CCDC148: variants seen among roughly 807,000 people sequenced by gnomAD.
CCDC148 encodes the protein coiled-coil domain containing 148.
A neutral mutation model predicts 85.7 loss-of-function variants in CCDC148; 89 were observed. That is an observed-to-expected ratio of 1.04 (90% CI 0.87 to 1.24). CCDC148 has a LOEUF of 1.24. Ranked by LOEUF, CCDC148 falls within the 50% of genes most tolerant of loss-of-function variation. The pLI is 0.00. For synonymous variants in CCDC148, 230 were observed against 213.9 expected, an observed-to-expected ratio of 1.08 and a Z score of -0.66; for missense variants, 692 against 671.7, an observed-to-expected ratio of 1.03 and a Z score of -0.33.
chr2:158,422,945 C>T (rs1237812506), intron 1 of CCDC148, among the ~76,000 whole-genome samples: 2 of 152,070 alleles, frequency 1.3e-5, no homozygotes, highest in Admixed American at 1.3e-4. Flanking sequence ...CAATAACAAA[C>T]AGAGAGCCAA....
At chr2:158,455,864 G>T (rs944025065) in intron 1 of CCDC148, among the ~76,000 whole-genome samples, 14 of 152,138 alleles carry the variant, frequency 9.2e-5, no homozygotes, top group African/African-American at 3.4e-4. Context: ...CATTATTAAA[G>T]CTCAAGATTT....
At chr2:158,275,061 A>G (rs1278730444) in intron 9 of CCDC148, among the ~76,000 whole-genome samples, 1 of 152,218 alleles carries the variant, frequency 6.6e-6, no homozygotes, top group East Asian at 1.9e-4. Context: ...GGAACAAGGA[A>G]AAGGAGGAGG....
intron 9 of CCDC148, among the ~76,000 whole-genome samples, chr2:158,306,182 T>C (rs1244828674): frequency 6.6e-6 from 1 of 152,116 alleles, no homozygotes; most frequent in Non-Finnish European, 1.5e-5. Flanking sequence ...ATTATAGTGG[T>C]AGTTATACAC....
chr2:158,406,628 T>TCTTTTTTC (rs1559124648), intron 1 of CCDC148, among the ~76,000 whole-genome samples: 4 of 119,058 alleles, frequency 3.4e-5, no homozygotes, highest in South Asian at 2.7e-4. Flanking sequence ...TTTTTTTTTT[T>TCTTTTTTC]TTTTTTTTTT....
Position 158,313,825 on chromosome 2 carries a change from G to C in CCDC148, c.834C>G (p.Leu278=). The C allele has an allele frequency of 1.2e-6, 2 of 1,613,962 alleles. No individual in the cohort carries two copies. The highest frequency in any genetic ancestry group is 2.2e-5 in the South Asian group (2 of 91,078). ...CCAGATACAGAGTCCTTCTTCCAAAGAGATCTCCAGGGTACTGATCCAAAA... is the reference window on the plus strand; with the variant it reads ...CCAGATACAGAGTCCTTCTTCCAAACAGATCTCCAGGGTACTGATCCAAAA... ...QAILDQYPGD[L]FGRRTLYLDM... is the part of the protein sequence containing the mutation. The change falls in exon 8 of 14, where the codon CTC becomes CTG. Residue 278 remains leucine (L), a synonymous_variant. Coordinates refer to ENST00000283233, the MANE Select transcript of CCDC148 (RefSeq NM_138803.4).
intron 2 of CCDC148, among the ~76,000 whole-genome samples, chr2:158,355,952 C>T (rs1457724915): frequency 1.5e-5 from 2 of 134,612 alleles, no homozygotes; most frequent in East Asian, 2.3e-4. Flanking sequence ...TGATCTTTGA[C>T]AAGCCTGAGA....
intron 1 of CCDC148, among the ~76,000 whole-genome samples, chr2:158,388,972 C>A (rs1006640316): frequency 6.6e-6 from 1 of 152,108 alleles, no homozygotes; most frequent in Non-Finnish European, 1.5e-5. Context: ...TCCAGAGATT[C>A]TGTGATTCTT....
In CCDC148 at chr2:158,272,405, G is replaced by A. The variant is rs186920648; in HGVS notation, c.1111-21493C>T. ...GGAAGGTGAAGTATAGTTCTCGGAT[G>A]AATGGAATAAAGTATTCTTGAATAA... On this transcript the variant is annotated intron_variant, in intron 9 of 13. Coordinates refer to ENST00000283233, the MANE Select transcript of CCDC148 (RefSeq NM_138803.4). Among the ~76,000 whole-genome samples the A allele has an allele frequency of 9.5e-4, 144 of 152,290 alleles. 1 individual carries two copies. The highest frequency in any genetic ancestry group is 1.5e-3 in the Non-Finnish European group (104 of 68,022).
chr2:158,319,722 T>G (rs994251991), intron 7 of CCDC148, among the ~76,000 whole-genome samples: 1 of 152,180 alleles, frequency 6.6e-6, no homozygotes, highest in African/African-American at 2.4e-5. Flanking sequence ...TTTTTAAACA[T>G]AGCATCTTAA....
At chr2:158,409,367 C>A (rs772886147) in intron 1 of CCDC148, among the ~76,000 whole-genome samples, 2 of 152,182 alleles carry the variant, frequency 1.3e-5, no homozygotes, top group African/African-American at 4.8e-5. Context: ...GGTGGAGCTG[C>A]CCAAGGTTGT....
chr2:158,278,434 T>C (rs1690071769), intron 9 of CCDC148, among the ~76,000 whole-genome samples: 1 of 152,174 alleles, frequency 6.6e-6, no homozygotes, highest in Admixed American at 6.5e-5. Flanking sequence ...AATACCGCAC[T>C]TTTCCGATGG....
At chr2:158,220,170 AG>A (rs60729664) in intron 11 of CCDC148, among the ~76,000 whole-genome samples, 19,322 of 152,222 alleles carry the variant, frequency 0.13, 1,534 homozygotes, top group African/African-American at 0.23. Flanking sequence ...GCATGCCCTA[AG>A]TATGTTATAA....
intron 11 of CCDC148, among the ~76,000 whole-genome samples, chr2:158,206,723 G>T (rs551129059): frequency 3.3e-5 from 5 of 152,322 alleles, no homozygotes; most frequent in Admixed American, 6.5e-5. Context: ...GAAGGAATAA[G>T]ATTGGAGGAT....
chr2:158,374,303 C>A (rs1255829274), intron 1 of CCDC148, among the ~76,000 whole-genome samples: 1 of 151,986 alleles, frequency 6.6e-6, no homozygotes, highest in Non-Finnish European at 1.5e-5. Context: ...GAGAAACTTG[C>A]ATTTTGTTAG....
intron 1 of CCDC148, among the ~76,000 whole-genome samples, chr2:158,402,538 G>C (rs909089429): frequency 6.6e-6 from 1 of 151,996 alleles, no homozygotes; most frequent in Non-Finnish European, 1.5e-5. Context: ...CTACAGATCA[G>C]AGTAAGCCTA....
At chr2:158,331,029 G>A (rs1410902254) in intron 7 of CCDC148, among the ~76,000 whole-genome samples, 6 of 151,982 alleles carry the variant, frequency 3.9e-5, no homozygotes, top group Admixed American at 6.6e-5. Flanking sequence ...TCTGATTTTC[G>A]TTATTTCTCG....
rs1682539453 is a variant in CCDC148, at chr2:158,339,067, G to A, written c.505C>T (p.Gln169Ter). The A allele has an allele frequency of 1.2e-6, 2 of 1,613,440 alleles. No homozygotes were observed. The highest frequency in any genetic ancestry group is 2.2e-5 in the East Asian group (1 of 44,828). The stretch of plus-strand genomic sequence containing the variant: ...AGTCTTTCAAAGACAGTTTTCAATT[G>A]TTTCTTCACAAAGTCAACCTATAGG... The part of the protein sequence containing the change: ...VLEEVDFVKK[Q>*]LKTVFERLRL... The change falls in exon 6 of 14, where the codon CAA becomes TAA. Residue 169 changes from glutamine (Q) to a stop codon, truncating the protein, a stop_gained. Coordinates refer to ENST00000283233, the MANE Select transcript of CCDC148 (RefSeq NM_138803.4). LOFTEE classifies it high-confidence loss of function.
chr2:158,216,134 T>C (rs900964935), intron 11 of CCDC148, among the ~76,000 whole-genome samples: 2 of 152,186 alleles, frequency 1.3e-5, no homozygotes, highest in African/African-American at 2.4e-5. Context: ...TTAAACTTGA[T>C]TTTATATAGG....
At chr2:158,281,873 C>G (rs536604680) in intron 9 of CCDC148, among the ~76,000 whole-genome samples, 5 of 152,174 alleles carry the variant, frequency 3.3e-5, no homozygotes, top group Non-Finnish European at 7.4e-5. Flanking sequence ...ATGCAAAAAT[C>G]CTCAATAAAA....
Sources: gnomAD v4.1 joint callset for allele counts (sites outside exome capture counted in the v4.1 genomes callset) on GRCh38, gnomAD v4.1.1 for gene constraint, MANE v1.5 for transcripts, NCBI Gene and HGNC (gene_info 2026-07-23, HGNC 2026-07-21) for gene names.